The following CHST13 variants were observed in gnomAD, a reference collection of about 807,000 sequenced individuals.
The protein encoded by CHST13 is C4ST-3.
In CHST13, 1 loss-of-function variant was observed where a neutral mutation model predicts 7.0. The observed-to-expected ratio is 0.14, with a 90% CI of 0.05 to 0.68. CHST13 has a LOEUF of 0.68. Ranked by LOEUF, CHST13 falls within the 30% of genes least tolerant of loss-of-function variation. The probability of loss-of-function intolerance (pLI) is 0.82; values close to 1 mark genes in which losing one functional copy is unlikely to be tolerated. For synonymous variants in CHST13, 257 were observed against 240.9 expected (o/e 1.07, Z -0.62); for missense variants, 572 against 507.9 (o/e 1.13, Z -1.21).
chr3:126,536,344 C>T lies in CHST13; in HGVS notation c.171C>T (p.Asp57=). The stretch of plus-strand genomic sequence containing the variant: ...GAAGCCCCCTGCAGAAGCTCTATGA[C>T]CTGGATCAGGTAGGTGGACAGACCC... ...EKRSPLQKLY[D]LDQDPRSTLA... The change falls in exon 2 of 3, where the codon GAC becomes GAT. Residue 57 remains aspartate, a synonymous_variant. Transcript: ENST00000319340. 6.2e-7 allele frequency: 1 copy of T among 1,613,646 alleles called. No individual in the cohort carries two copies. The highest frequency in any genetic ancestry group is 8.5e-7 in the Non-Finnish European group (1 of 1,179,616).
intron 1 of CHST13, among the ~76,000 whole-genome samples, chr3:126,533,844 A>T (rs978181995): frequency 2.6e-5 from 4 of 152,022 alleles, no homozygotes; most frequent in African/African-American, 9.7e-5. Flanking sequence ...AAGCCATCTG[A>T]TCCTGGGCTT....
At chr3:126,528,150 G>A (rs1936573765) in intron 1 of CHST13, among the ~76,000 whole-genome samples, 1 of 151,696 alleles carries the variant, frequency 6.6e-6, no homozygotes. Context: ...GTGGGGCTCT[G>A]GGTCCTTGAG....
chr3:126,538,677 A>G (rs1337755871), intron 2 of CHST13, among the ~76,000 whole-genome samples: 2 of 152,174 alleles, frequency 1.3e-5, no homozygotes, highest in African/African-American at 4.8e-5. Flanking sequence ...CCGGGGGCAC[A>G]GCCTCTCCTG....
chr3:126,533,084 A>G (rs1401427241), intron 1 of CHST13, among the ~76,000 whole-genome samples: 1 of 152,208 alleles, frequency 6.6e-6, no homozygotes, highest in Non-Finnish European at 1.5e-5. Context: ...TTAATCTTGC[A>G]TCGTGCAACC....
chr3:126,536,257 C>T lies in CHST13; in HGVS notation c.98-14C>T, dbSNP rs1414112204. On this transcript the variant is annotated splice_polypyrimidine_tract_variant and intron_variant, in intron 1 of 2. Transcript: ENST00000319340. ...TCTGATATGGTGGCGACATCTCTCT[C>T]CTTATGCCCACAGCATTTGGAAACA... The T allele has an allele frequency of 1.9e-6, 3 of 1,612,762 alleles. No homozygotes were observed. The South Asian group carries it at 3.3e-5, about 18-fold the overall frequency.
chr3:126,533,002 T>C (rs1482929945), intron 1 of CHST13, among the ~76,000 whole-genome samples: 3 of 152,244 alleles, frequency 2.0e-5, no homozygotes, highest in Admixed American at 2.0e-4. Context: ...ACTTCTTCTT[T>C]ATTACTTTAT....
chr3:126,539,127 G>C (rs187532566), intron 2 of CHST13, among the ~76,000 whole-genome samples: 4 of 152,140 alleles, frequency 2.6e-5, no homozygotes, highest in African/African-American at 4.8e-5. Context: ...AAAAATTCAA[G>C]CATATGCAAG....
In CHST13 at chr3:126,542,296, G is replaced by A; in HGVS notation, c.744G>A (p.Glu248=). 1.3e-6 allele frequency: 2 copies of A among 1,564,466 alleles called. No individual in the cohort carries two copies. The highest frequency in any genetic ancestry group is 1.7e-4 in the Middle Eastern group (1 of 5,888). Residue 248 remains glutamate, a synonymous_variant, in exon 3 of 3, where the codon GAG becomes GAA. Coordinates refer to ENST00000319340, the MANE Select transcript of CHST13 (RefSeq NM_152889.3). ...RREEPFNEHW[E]RAHALCHPCR... ...AGGAGCCCTTCAACGAGCACTGGGA[G>A]CGCGCGCACGCGCTCTGCCACCCGT...
intron 1 of CHST13, among the ~76,000 whole-genome samples, chr3:126,532,801 A>C (rs1436111898): frequency 6.6e-6 from 1 of 152,244 alleles, no homozygotes; most frequent in Non-Finnish European, 1.5e-5. Flanking sequence ...TTTGGCAGAA[A>C]AAGGCAGCTG....
rs374527763 is a variant in CHST13 at position 126,541,981 on chromosome 3, G to A, written c.429G>A (p.Ala143=). The change falls in exon 3 of 3, where the codon GCG becomes GCA. Residue 143 remains alanine (A), a synonymous_variant. Coordinates refer to ENST00000319340, the MANE Select transcript of CHST13 (RefSeq NM_152889.3). ...GDPRAISAQE[A]HAPGRLPSLA... is the part of the protein sequence containing the mutation. ...CGCGCGCCATCTCCGCGCAAGAGGC[G>A]CACGCGCCTGGCCGCCTGCCCTCAC... 6 of 1,569,920 alleles carry A rather than the reference G, an allele frequency of 3.8e-6. No individual in the cohort carries two copies. The African/African-American group carries it at 5.6e-5, about 15-fold the overall frequency.
chr3:126,531,208 C>A (rs995948113), intron 1 of CHST13, among the ~76,000 whole-genome samples: 2 of 152,232 alleles, frequency 1.3e-5, no homozygotes, highest in African/African-American at 4.8e-5. Flanking sequence ...GCCCCACCCC[C>A]CAACCTACTG....
Position 126,524,397 on chromosome 3 carries a change from T to C in CHST13, c.65T>C (p.Leu22Pro). The stretch of plus-strand genomic sequence containing the variant: ...GCCTGTCTGGGCGCCGCGCTCCTGC[T>C]CCTATGCGCCGCGCCCCGCTCCCTG... ...AAACLGAALL[L>P]LCAAPRSLRP... The change falls in exon 1 of 3, where the codon CTC (leucine) becomes CCC (proline). Residue 22 changes from leucine to proline, a missense_variant. Coordinates refer to ENST00000319340, the MANE Select transcript of CHST13 (RefSeq NM_152889.3). 1 of 1,219,350 alleles carries C rather than the reference T, an allele frequency of 8.2e-7. No homozygotes were observed. The highest frequency in any genetic ancestry group is 1.0e-6 in the Non-Finnish European group (1 of 976,404). The allele number at this position is 1,219,350 out of a possible 1,614,324, so 75.5% of individuals were successfully genotyped here.
chr3:126,528,211 C>G (rs976402045), intron 1 of CHST13, among the ~76,000 whole-genome samples: 1 of 151,884 alleles, frequency 6.6e-6, no homozygotes, highest in African/African-American at 2.4e-5. Context: ...GGGGCTCAGT[C>G]ATGAATAGTC....
intron 2 of CHST13, among the ~76,000 whole-genome samples, chr3:126,538,986 T>G (rs992756017): frequency 6.6e-6 from 1 of 152,222 alleles, no homozygotes; most frequent in Non-Finnish European, 1.5e-5. Context: ...GATCCCTGGG[T>G]GTCCTTCCAG....
chr3:126,530,191 C>T (rs1936624627), intron 1 of CHST13, among the ~76,000 whole-genome samples: 2 of 152,252 alleles, frequency 1.3e-5, no homozygotes. Context: ...GGCAGGGTGG[C>T]AGGCAGGGTG....
At chr3:126,528,704 C>A (rs1936585226) in intron 1 of CHST13, among the ~76,000 whole-genome samples, 2 of 152,114 alleles carry the variant, frequency 1.3e-5, no homozygotes, top group South Asian at 2.1e-4. Context: ...GGGATCTGGG[C>A]AGACTGGGGT....
chr3:126,531,991 A>G (rs1333823821), intron 1 of CHST13, among the ~76,000 whole-genome samples: 1 of 152,172 alleles, frequency 6.6e-6, no homozygotes, highest in Non-Finnish European at 1.5e-5. Flanking sequence ...AACCATCCTC[A>G]TGGTGTTGAT....
Position 126,542,138 on chromosome 3 carries a change from T to A in CHST13, c.586T>A (p.Phe196Ile), listed in dbSNP as rs1309988768. The A allele has an allele frequency of 6.4e-7, 1 of 1,563,790 alleles. No homozygotes were observed. Among genetic ancestry groups the A allele is most frequent in the Non-Finnish European group, 8.6e-7 (1 of 1,160,010 alleles). The stretch of plus-strand genomic sequence containing the variant: ...GCTCGCGCGCCCCTACAGCGCCGCC[T>A]TCCAGAGGCGCTACGGTGCACGCAT... ...NKLARPYSAA[F>I]QRRYGARIVQ... The change falls in exon 3 of 3, where the codon TTC (phenylalanine) becomes ATC (isoleucine). Residue 196 changes from phenylalanine (F) to isoleucine (I), a missense_variant. Transcript: ENST00000319340.
At chr3:126,524,538 C>G in intron 1 of CHST13, 109 bp downstream of exon 1, 1 of 377,474 alleles carries the variant, frequency 2.6e-6, no homozygotes, top group Non-Finnish European at 4.6e-6. Flanking sequence ...TGTCTCCTTC[C>G]TGGCTGGGGC....
Sources: allele counts gnomAD v4.1 joint callset (sites outside exome capture counted in the v4.1 genomes callset), GRCh38; gene constraint gnomAD v4.1.1; transcripts MANE v1.5; gene names NCBI Gene and HGNC (gene_info 2026-07-23, HGNC 2026-07-21).